The following GUCY1A2 variants were observed in gnomAD, a reference collection of about 807,000 sequenced individuals.
GUCY1A2 encodes guanylate cyclase 1 soluble subunit alpha 2.
A neutral mutation model predicts 63.5 loss-of-function variants in GUCY1A2; 27 were observed. The observed-to-expected ratio is 0.43, with a 90% CI of 0.31 to 0.59. The LOEUF (loss-of-function observed/expected upper bound fraction) is 0.59. Ranked by LOEUF, GUCY1A2 falls within the 20% of genes least tolerant of loss-of-function variation. The pLI, the probability that GUCY1A2 is intolerant of heterozygous loss-of-function variation, is 0.11. For synonymous variants in GUCY1A2, 364 were observed against 343.5 expected (o/e 1.06, Z -0.66); for missense variants, 768 against 913.3 (o/e 0.84, Z 2.05).
Position 106,945,222 on chromosome 11 carries a change from A to G in GUCY1A2, c.488-5044T>C, listed in dbSNP as rs1283877857. ...GCAAGAGAAAACAGGTAATTAAAAA[A>G]AATTTACTTTTCATCTGCAACAATG... On this transcript the variant is annotated intron_variant, in intron 3 of 7. Coordinates refer to ENST00000526355, the MANE Select transcript of GUCY1A2 (RefSeq NM_000855.3). 3.9e-5 allele frequency among the ~76,000 whole-genome samples: 6 copies of G among 152,202 alleles called. No homozygotes were observed. In the East Asian group the frequency reaches 1.2e-3, roughly 29 times the overall value.
chr11:106,786,185 GGAA>G (rs1265016746), intron 5 of GUCY1A2, among the ~76,000 whole-genome samples: 13 of 151,878 alleles, frequency 8.6e-5, no homozygotes, highest in African/African-American at 3.1e-4. Flanking sequence ...CAATTCAAAT[GGAA>G]ACAGGTTTAA....
chr11:106,724,090 C>T (rs1863363286), intron 6 of GUCY1A2, among the ~76,000 whole-genome samples: 1 of 152,164 alleles, frequency 6.6e-6, no homozygotes, highest in Non-Finnish European at 1.5e-5. Flanking sequence ...TAACTTGGGT[C>T]AAGTGAGTGT....
intron 4 of GUCY1A2, among the ~76,000 whole-genome samples, chr11:106,926,403 A>T (rs1243815052): frequency 6.7e-6 from 1 of 149,514 alleles, no homozygotes; most frequent in African/African-American, 2.5e-5. Flanking sequence ...AAACCACTGC[A>T]CTCCAGCCTG....
At chr11:106,910,438 A>G (rs891173456) in intron 4 of GUCY1A2, among the ~76,000 whole-genome samples, 2 of 152,038 alleles carry the variant, frequency 1.3e-5, no homozygotes, top group Admixed American at 1.3e-4. Context: ...AAACAGGAAA[A>G]AAGGCATAGA....
chr11:106,984,290 C>G (rs1861374102), intron 2 of GUCY1A2, among the ~76,000 whole-genome samples: 1 of 152,156 alleles, frequency 6.6e-6, no homozygotes, highest in African/African-American at 2.4e-5. Context: ...ATACTGGAGT[C>G]AAACTCTCTG....
chr11:106,842,915 G>T (rs777586882), intron 4 of GUCY1A2, among the ~76,000 whole-genome samples: 3 of 151,928 alleles, frequency 2.0e-5, no homozygotes, highest in Non-Finnish European at 4.4e-5. Context: ...GCAGTGCCAT[G>T]TCAGTCTCAT....
chr11:106,850,390 C>A (rs117609189), intron 4 of GUCY1A2, among the ~76,000 whole-genome samples: 1,948 of 151,842 alleles, frequency 0.013, 27 homozygotes, highest in South Asian at 0.048. Context: ...TGAAAAGACA[C>A]AATAAATTAT....
chr11:106,790,490 G>C (rs1227029583), intron 5 of GUCY1A2, among the ~76,000 whole-genome samples: 3 of 152,184 alleles, frequency 2.0e-5, no homozygotes, highest in Non-Finnish European at 4.4e-5. Flanking sequence ...ACCTTACTGG[G>C]GCTGAGCTGG....
At chr11:106,824,987 G>C in intron 4 of GUCY1A2, 1 of 1,611,206 alleles carries the variant, frequency 6.2e-7, no homozygotes, top group Non-Finnish European at 8.5e-7. Flanking sequence ...TCTAATTAAA[G>C]ATGGTTTATG....
At position 107,018,079 on chromosome 11, in the gene GUCY1A2, C is replaced by G. The variant is rs753741317; in HGVS notation, c.-24G>C. 1.7e-5 allele frequency: 24 copies of G among 1,416,088 alleles called. No individual in the cohort carries two copies. The highest frequency in any genetic ancestry group is 2.3e-5 in the Admixed American group (1 of 43,398). 87.7% of individuals were successfully genotyped at this position (1,416,088 alleles called of 1,614,324 possible). On this transcript the variant is annotated 5_prime_UTR_variant, in exon 1 of 8. Coordinates refer to ENST00000526355, the MANE Select transcript of GUCY1A2 (RefSeq NM_000855.3). ...ATGCTGCCGGCGGAGCTGCAGCGGC[C>G]GAGGCGGTGGCGGCGAGGACGCGAG...
Position 106,957,251 on chromosome 11 carries a change from C to G in GUCY1A2, c.488-17073G>C, listed in dbSNP as rs117603308. Among the ~76,000 whole-genome samples, 345 of 152,082 alleles carry G rather than the reference C, an allele frequency of 2.3e-3. 9 individuals are homozygous for G. The East Asian group carries it at 0.055, about 24-fold the overall frequency. On this transcript the variant is annotated intron_variant, in intron 3 of 7. Transcript: ENST00000526355. ...CCCAGTGCTGACTCTTGCCCCTCCC[C>G]CCAGGAGCTCAAATGGCTTAGACAG...
At position 106,807,284 on chromosome 11, in the gene GUCY1A2, A is replaced by G. The variant is rs145055457; in HGVS notation, c.1692+2709T>C. On this transcript the variant is annotated intron_variant, in intron 5 of 7. Coordinates refer to ENST00000526355, the MANE Select transcript of GUCY1A2 (RefSeq NM_000855.3). ...CCATTAAAAATCTGGCAAATAGTTC[A>G]TGGTTTAAAATAGCACTGTGTGTAT... is the stretch of plus-strand genomic sequence containing the variant. Among the ~76,000 whole-genome samples the G allele has an allele frequency of 4.3e-3, 649 of 152,316 alleles. 6 individuals carry two copies. The highest frequency in any genetic ancestry group is 0.037 in the Middle Eastern group (11 of 294).
intron 6 of GUCY1A2, among the ~76,000 whole-genome samples, chr11:106,718,838 A>G (rs976753089): frequency 1.3e-5 from 2 of 152,162 alleles, no homozygotes; most frequent in Non-Finnish European, 2.9e-5. Context: ...ATGAAGAGTA[A>G]TAGCAGAATT....
At chr11:106,733,852 G>T (rs1046465994) in intron 6 of GUCY1A2, among the ~76,000 whole-genome samples, 1 of 152,090 alleles carries the variant, frequency 6.6e-6, no homozygotes, top group African/African-American at 2.4e-5. Flanking sequence ...GGCAATCAGG[G>T]AATCTCTCTT....
chr11:106,843,852 C>A (rs963309637), intron 4 of GUCY1A2, among the ~76,000 whole-genome samples: 1 of 151,722 alleles, frequency 6.6e-6, no homozygotes, highest in Admixed American at 6.6e-5. Flanking sequence ...CACATTACTT[C>A]GAAAATTGTG....
intron 4 of GUCY1A2, among the ~76,000 whole-genome samples, chr11:106,833,858 G>A (rs1024259195): frequency 1.3e-5 from 2 of 152,074 alleles, no homozygotes; most frequent in African/African-American, 4.8e-5. Flanking sequence ...GAAGCTTTGA[G>A]AAGAGCTATG....
chr11:107,006,113 C>T (rs1433147371), intron 1 of GUCY1A2, among the ~76,000 whole-genome samples: 4 of 152,198 alleles, frequency 2.6e-5, no homozygotes, highest in African/African-American at 2.4e-5. Context: ...CTCAGAGAGG[C>T]GAATTTATCC....
chr11:106,945,884 G>A (rs906981708), intron 3 of GUCY1A2, among the ~76,000 whole-genome samples: 3 of 152,194 alleles, frequency 2.0e-5, no homozygotes, highest in Non-Finnish European at 4.4e-5. Flanking sequence ...AGAATCGCTT[G>A]AACCTGGGAG....
At chr11:106,699,685 A>C (rs1431127003) in intron 7 of GUCY1A2, among the ~76,000 whole-genome samples, 1 of 152,232 alleles carries the variant, frequency 6.6e-6, no homozygotes, top group Non-Finnish European at 1.5e-5. Flanking sequence ...AAAAACAGCA[A>C]AACTTTACTT....
Sources: allele counts gnomAD v4.1 joint callset (sites outside exome capture counted in the v4.1 genomes callset), GRCh38; gene constraint gnomAD v4.1.1; transcripts MANE v1.5; gene names NCBI Gene and HGNC (gene_info 2026-07-23, HGNC 2026-07-21).